SMG1: variants seen among roughly 807,000 people sequenced by gnomAD.
The protein encoded by SMG1 is serine/threonine-protein kinase SMG1.
A neutral mutation model predicts 419.9 loss-of-function variants in SMG1; 22 were observed. That is an observed-to-expected ratio of 0.05 (90% confidence interval 0.04 to 0.07). The LOEUF is 0.07. Among genes scored for constraint, SMG1 ranks in the 10% least tolerant of loss-of-function variants. The pLI, the probability that SMG1 is intolerant of heterozygous loss-of-function variation, is 1.00. For missense variants in SMG1, 3,185 were observed against 4,342.0 expected (o/e 0.73, Z 7.49); for synonymous variants, 1,538 against 1,553.5 (o/e 0.99, Z 0.23).
rs2034720110 is a variant in SMG1 at position 18,853,586 on chromosome 16, T to C, written c.4765A>G (p.Thr1589Ala). The change falls in exon 31 of 63, where the codon ACA (threonine) becomes GCA (alanine). Residue 1589 changes from threonine to alanine, a missense_variant. Thr to Ala is a moderately conservative substitution (Grantham distance 58, BLOSUM62 0). Coordinates refer to ENST00000446231, the MANE Select transcript of SMG1 (RefSeq NM_015092.5). ...AAAGCTAATAAAGCAACTCTACCTG[T>C]AGATTCACTCTCGATCCGAGGATAC... ...EEYPRIESES[T>A]VHIGVGEPDF... 6.3e-7 allele frequency: 1 copy of C among 1,586,854 alleles called. No individual in the cohort carries two copies. The highest frequency in any genetic ancestry group is 8.6e-7 in the Non-Finnish European group (1 of 1,165,480).
intron 39 of SMG1, among the ~76,000 whole-genome samples, chr16:18,843,187 G>A (rs1475732020): frequency 2.0e-5 from 3 of 152,166 alleles, no homozygotes; most frequent in Non-Finnish European, 4.4e-5. Flanking sequence ...AAAGCCACCT[G>A]CAAAGTTATT....
chr16:18,827,662 T>A (rs1355501842), intron 55 of SMG1, among the ~76,000 whole-genome samples: 1 of 144,438 alleles, frequency 6.9e-6, no homozygotes, highest in Admixed American at 7.0e-5. Context: ...CCAAAATATA[T>A]ATTTTTATAT....
chr16:18,917,148 T>C (rs2038013762), intron 1 of SMG1, among the ~76,000 whole-genome samples: 1 of 148,816 alleles, frequency 6.7e-6, no homozygotes, highest in African/African-American at 2.6e-5. Flanking sequence ...AATTAATTAA[T>C]TTATTTATTT....
intron 30 of SMG1, 86 bp from the exon 31 acceptor site, chr16:18,853,953 A>T (rs2034747640): frequency 2.5e-6 from 3 of 1,220,262 alleles, no homozygotes; most frequent in Non-Finnish European, 3.4e-6. Flanking sequence ...AAATATCAAC[A>T]TGGTGATGAC....
rs749452358 is a variant in SMG1 at position 18,884,180 on chromosome 16, T to G, written c.1022-13A>C. ...CTCTGCAACCACCCTTGGAATCGTA[T>G]AAGAAATTGTGAAAGGGTAGGGGGG... is the stretch of plus-strand genomic sequence containing the variant. On this transcript the variant is annotated splice_polypyrimidine_tract_variant and intron_variant, in intron 8 of 62. Transcript: ENST00000446231. 7.2e-7 allele frequency: 1 copy of G among 1,397,656 alleles called. No homozygotes were observed. Among genetic ancestry groups the G allele is most frequent in the Non-Finnish European group, 9.9e-7 (1 of 1,005,520 alleles). 86.6% of individuals were successfully genotyped at this position (1,397,656 alleles called of 1,614,324 possible).
At chr16:18,887,516 C>CTTTGTTTTTTGT (rs749197007) in intron 6 of SMG1, among the ~76,000 whole-genome samples, 1 of 110,140 alleles carries the variant, frequency 9.1e-6, no homozygotes, top group Non-Finnish European at 1.8e-5. Flanking sequence ...TTTTTTTTTC[C>CTTTGTTTTTTGT]TTTTTTTTTT....
At chr16:18,910,234 T>A (rs2037739668) in intron 1 of SMG1, among the ~76,000 whole-genome samples, 1 of 143,236 alleles carries the variant, frequency 7.0e-6, no homozygotes, top group Non-Finnish European at 1.5e-5. Flanking sequence ...GCCCAGCTAT[T>A]TTTTTTTTTT....
Position 18,847,812 on chromosome 16 carries a change from G to C in SMG1, c.5841+4C>G. The C allele has an allele frequency of 6.2e-7, 1 of 1,611,556 alleles. No homozygotes were observed. Among genetic ancestry groups the C allele is most frequent in the Non-Finnish European group, 8.5e-7 (1 of 1,178,960 alleles). On this transcript the variant is annotated splice_donor_region_variant and intron_variant, in intron 37 of 62. Coordinates refer to ENST00000446231, the MANE Select transcript of SMG1 (RefSeq NM_015092.5). ...TCTTCTACAACATGTGAGTTTCTTT[G>C]TACCTGTAATACCATGGTGGGGTTT...
Position 18,839,960 on chromosome 16 carries a change from AATT to A in SMG1, c.6697-17_6697-15del, listed in dbSNP as rs1164338854. The A allele has an allele frequency of 6.6e-7, 1 of 1,516,378 alleles. No homozygotes were observed. Among genetic ancestry groups the A allele is most frequent in the Non-Finnish European group, 8.8e-7 (1 of 1,130,024 alleles). The allele number at this position is 1,516,378 out of a possible 1,614,324, so 93.9% of individuals were successfully genotyped here. A position where few individuals can be genotyped will look rare whatever the true frequency, so the allele number is the denominator to read the frequency against. ...GGAATCTTGGGCCTTAAGAAAAAAC[AATT>A]TTTTTAAAAAAGAAAAGATCAATTT... is the stretch of plus-strand genomic sequence containing the variant. On this transcript the variant is annotated splice_polypyrimidine_tract_variant and intron_variant, in intron 41 of 62. Transcript: ENST00000446231.
chr16:18,829,919 A>C lies in SMG1; in HGVS notation c.9133+7T>G. 6.5e-7 allele frequency: 1 copy of C among 1,536,080 alleles called. No individual in the cohort carries two copies. The highest frequency in any genetic ancestry group is 8.7e-7 in the Non-Finnish European group (1 of 1,143,716). The stretch of plus-strand genomic sequence containing the variant: ...TAAAGCTAGTATGTTTACAGGTAGA[A>C]TATTACCTGACAATGTTTTAGAAAA... On this transcript the variant is annotated splice_region_variant and intron_variant, in intron 53 of 62. Coordinates refer to ENST00000446231, the MANE Select transcript of SMG1 (RefSeq NM_015092.5).
At chr16:18,819,333 G>A (rs2032308868) in intron 56 of SMG1, among the ~76,000 whole-genome samples, 169 bp downstream of exon 56, 1 of 152,160 alleles carries the variant, frequency 6.6e-6, no homozygotes, top group South Asian at 2.1e-4. Context: ...ATAACCTGCT[G>A]TGGGTTCAAC....
chr16:18,835,248 A>G, intron 48 of SMG1, 84 bp from the exon 49 acceptor site: 1 of 1,345,250 alleles, frequency 7.4e-7, no homozygotes, highest in Non-Finnish European at 1.0e-6. Context: ...CCTCAAACAA[A>G]ACTTGAAGAG....
chr16:18,833,236 GA>G, intron 50 of SMG1, 70 bp from the exon 51 acceptor site: 3 of 1,233,404 alleles, frequency 2.4e-6, no homozygotes, highest in Non-Finnish European at 3.4e-6. Context: ...TGGAGACTTA[GA>G]GCCATACATT....
At chr16:18,878,792 G>C (rs1389763160) in intron 11 of SMG1, 1 of 152,788 alleles carries the variant, frequency 6.5e-6, no homozygotes, top group Admixed American at 6.5e-5. Flanking sequence ...TGGATTGCTT[G>C]AGCCCAAGAA....
Position 18,869,987 on chromosome 16 carries a change from T to A in SMG1, c.2500A>T (p.Asn834Tyr). Residue 834 changes from asparagine to tyrosine, a missense_variant, in exon 19 of 63, where the codon AAT (asparagine) becomes TAT (tyrosine). This residue lies in a region of SMG1 where 297 missense variants were observed against 491.0 expected (regional missense o/e 0.60). Transcript: ENST00000446231. ...GAAATTTCTTGAATTTCTGTGTGAT[T>A]GTTATTGCTGTAGACAGAAAATAAA... ...IPLDVVLSNN[N>Y]HTEIQEISLA... 1.9e-6 allele frequency: 3 copies of A among 1,538,826 alleles called. No individual in the cohort carries two copies. In the East Asian group the frequency reaches 7.0e-5, roughly 36 times the overall value.
Position 18,845,783 on chromosome 16 carries a change from A to G in SMG1, c.5997-132T>C, listed in dbSNP as rs894157953. Reference sequence around the variant, plus strand: ...GAATAAGTCTAAATAAAGCAATAACATATTCACAAAGTAAATTACTAACAA... The same window carrying G: ...GAATAAGTCTAAATAAAGCAATAACGTATTCACAAAGTAAATTACTAACAA... On this transcript the variant is annotated intron_variant, in intron 38 of 62. Coordinates refer to ENST00000446231, the MANE Select transcript of SMG1 (RefSeq NM_015092.5). The G allele has an allele frequency of 7.2e-6, 5 of 697,568 alleles. No homozygotes were observed. The African/African-American group carries it at 9.0e-5, about 12-fold the overall frequency. 43.2% of individuals were successfully genotyped at this position (697,568 alleles called of 1,614,324 possible). A position where few individuals can be genotyped will look rare whatever the true frequency, so the allele number is the denominator to read the frequency against.
intron 55 of SMG1, among the ~76,000 whole-genome samples, chr16:18,820,683 T>C (rs544917471): frequency 6.6e-6 from 1 of 152,348 alleles, no homozygotes; most frequent in South Asian, 2.1e-4. Context: ...GAAGAGTTCA[T>C]TCTTGTAAGT....
At chr16:18,832,136 A>C (rs1235407007) in intron 51 of SMG1, among the ~76,000 whole-genome samples, 1 of 152,162 alleles carries the variant, frequency 6.6e-6, no homozygotes, top group Non-Finnish European at 1.5e-5. Flanking sequence ...GTATCTTTGA[A>C]ATTTCCCATG....
chr16:18,894,848 C>T (rs1270014398), intron 3 of SMG1, among the ~76,000 whole-genome samples: 3 of 152,036 alleles, frequency 2.0e-5, no homozygotes, highest in African/African-American at 7.2e-5. Flanking sequence ...GACAGAGTCT[C>T]GCTCTGTCGC....
Sources: allele counts gnomAD v4.1 joint callset (sites outside exome capture counted in the v4.1 genomes callset), GRCh38; gene constraint gnomAD v4.1.1; regional missense constraint gnomAD v4.1.1; transcripts MANE v1.5; gene names NCBI Gene and HGNC (gene_info 2026-07-23, HGNC 2026-07-21).